ZNF618: variants seen among roughly 807,000 people sequenced by gnomAD.
The protein encoded by ZNF618 is neural precursor cell expressed, developmentally down-regulated 10.
ZNF618 carries 34 observed loss-of-function variants against 103.0 expected under a neutral mutation model. The observed-to-expected ratio is 0.33, with a 90% CI of 0.25 to 0.44. The LOEUF (loss-of-function observed/expected upper bound fraction) is 0.44. ZNF618 is among the 20% of genes least tolerant of loss of function. The pLI is 1.00. For missense variants in ZNF618, 1,059 were observed against 1,295.4 expected (o/e 0.82, Z 2.80); for synonymous variants, 551 against 542.2 (o/e 1.02, Z -0.23).
In ZNF618 at chr9:114,049,171, G is replaced by A. The variant is rs372758808; in HGVS notation, c.1869G>A (p.Thr623=). Residue 623 remains threonine, a synonymous_variant, in exon 15 of 15, where the codon ACG becomes ACA. Coordinates refer to ENST00000374126, the MANE Select transcript of ZNF618 (RefSeq NM_001318042.2). ...ACGTGACGGATTGCCGGGTGAGCAC[G>A]TCCGCCTTCTCCAAGGCCGGCATGT... ...TVYVTDCRVS[T]SAFSKAGMCL... 1.6e-5 allele frequency: 26 copies of A among 1,613,826 alleles called. No homozygotes were observed. In the African/African-American group the frequency reaches 2.0e-4, roughly 12 times the overall value.
At chr9:113,920,602 A>G (rs989657325) in intron 1 of ZNF618, among the ~76,000 whole-genome samples, 3 of 151,972 alleles carry the variant, frequency 2.0e-5, no homozygotes, top group African/African-American at 4.8e-5. Flanking sequence ...GGGTTTCACC[A>G]TGTTGGCCAG....
At chr9:114,028,485 G>C in intron 10 of ZNF618, 1 of 570,416 alleles carries the variant, frequency 1.8e-6, no homozygotes, top group East Asian at 3.0e-5. Flanking sequence ...GGCTGGTCAA[G>C]GGTTATGGGT....
At chr9:113,954,912 C>T (rs995925230) in intron 1 of ZNF618, among the ~76,000 whole-genome samples, 1 of 152,162 alleles carries the variant, frequency 6.6e-6, no homozygotes, top group Non-Finnish European at 1.5e-5. Context: ...GGTCCACTCC[C>T]AGTGGGCAGC....
At chr9:113,944,618 T>C (rs1834844117) in intron 1 of ZNF618, among the ~76,000 whole-genome samples, 1 of 152,196 alleles carries the variant, frequency 6.6e-6, no homozygotes, top group Admixed American at 6.5e-5. Context: ...AGTTATCTAA[T>C]AGAAATGTCA....
intron 9 of ZNF618, among the ~76,000 whole-genome samples, chr9:114,010,273 C>T (rs561276228): frequency 3.7e-4 from 53 of 143,954 alleles, no homozygotes; most frequent in Middle Eastern, 3.6e-3. Flanking sequence ...TGCACTCCAG[C>T]CTGGGTGACA....
At chr9:113,937,463 T>C (rs1032829860) in intron 1 of ZNF618, among the ~76,000 whole-genome samples, 1 of 152,250 alleles carries the variant, frequency 6.6e-6, no homozygotes, top group Non-Finnish European at 1.5e-5. Context: ...TATTTCACTG[T>C]ATATTCCTAT....
chr9:114,033,874 G>A (rs752287460), intron 12 of ZNF618, among the ~76,000 whole-genome samples: 6 of 152,194 alleles, frequency 3.9e-5, no homozygotes, highest in Admixed American at 6.5e-5. Context: ...GACAGGTGAC[G>A]AACACATCAC....
At chr9:114,012,938 G>A (rs1489010935) in intron 9 of ZNF618, among the ~76,000 whole-genome samples, 3 of 151,410 alleles carry the variant, frequency 2.0e-5, no homozygotes, top group African/African-American at 4.9e-5. Context: ...AGATAGATTC[G>A]ATATAAAGAG....
At chr9:114,008,201 G>T in intron 7 of ZNF618, 143 bp from the exon 8 acceptor site, 3 of 1,119,088 alleles carry the variant, frequency 2.7e-6, no homozygotes, top group Non-Finnish European at 3.8e-6. Flanking sequence ...TTCCACAGTG[G>T]CCACGGCAGC....
At chr9:113,895,171 A>G (rs1049609696) in intron 1 of ZNF618, among the ~76,000 whole-genome samples, 8 of 152,112 alleles carry the variant, frequency 5.3e-5, no homozygotes, top group Non-Finnish European at 7.4e-5. Context: ...GTGATACGAT[A>G]GAGGAGTGAT....
chr9:113,968,479 C>A (rs1837638518), intron 1 of ZNF618, among the ~76,000 whole-genome samples: 1 of 152,116 alleles, frequency 6.6e-6, no homozygotes, highest in African/African-American at 2.4e-5. Context: ...GCATTGAGGT[C>A]CCCCTGAGCA....
At position 114,016,576 on chromosome 9, in the gene ZNF618, A is replaced by G. The variant is rs1842663328; in HGVS notation, c.755-119A>G. On this transcript the variant is annotated intron_variant, in intron 9 of 14. Coordinates refer to ENST00000374126, the MANE Select transcript of ZNF618 (RefSeq NM_001318042.2). ...GGGGTCTTCTAACTCCAGAGTCAGA[A>G]TTGATTCTAGTTGATGGTCCCAGAA... 20 of 729,012 alleles carry G rather than the reference A, an allele frequency of 2.7e-5. No individual in the cohort carries two copies. The South Asian group carries it at 3.1e-4, about 11-fold the overall frequency. The allele number at this position is 729,012 out of a possible 1,614,324, so 45.2% of individuals were successfully genotyped here. A position where few individuals can be genotyped will look rare whatever the true frequency, so the allele number is the denominator to read the frequency against.
intron 2 of ZNF618, among the ~76,000 whole-genome samples, chr9:113,986,450 G>A (rs141645107): frequency 2.6e-5 from 4 of 152,206 alleles, no homozygotes; most frequent in Non-Finnish European, 5.9e-5. Context: ...CAACAGAAAT[G>A]TATTTTCTCA....
intron 1 of ZNF618, among the ~76,000 whole-genome samples, chr9:113,964,124 C>T (rs1220385159): frequency 6.6e-6 from 1 of 152,138 alleles, no homozygotes; most frequent in Non-Finnish European, 1.5e-5. Context: ...GCTGAGGCGC[C>T]ATCTTGGAAA....
chr9:113,892,377 T>A (rs1016561265), intron 1 of ZNF618, among the ~76,000 whole-genome samples: 1 of 152,162 alleles, frequency 6.6e-6, no homozygotes, highest in African/African-American at 2.4e-5. Flanking sequence ...AAGGAAAAAG[T>A]CTGTACATGT....
chr9:113,877,451 A>G lies in ZNF618; in HGVS notation c.33+1038A>G, dbSNP rs141855994. ...ATATGGCAATATTTAAAGTTTTTCT[A>G]TTTCCACGAACGAAGGATTTAAAAG... On this transcript the variant is annotated intron_variant, in intron 1 of 14. Transcript: ENST00000374126. Among the ~76,000 whole-genome samples, 184 of 152,228 alleles carry G rather than the reference A, an allele frequency of 1.2e-3. 2 individuals are homozygous for G. The East Asian group carries it at 0.024, about 20-fold the overall frequency.
rs530566255 is a variant in ZNF618 at position 113,985,820 on chromosome 9, A to G, written c.78-2501A>G. On this transcript the variant is annotated intron_variant, in intron 2 of 14. Coordinates refer to ENST00000374126, the MANE Select transcript of ZNF618 (RefSeq NM_001318042.2). The stretch of plus-strand genomic sequence containing the variant: ...CACCTCTCAGTGCCACAGTTCCTAG[A>G]CTGTAAAGTGGAGCTAATACCAAGA... Among the ~76,000 whole-genome samples, 22 of 152,300 alleles carry G rather than the reference A, an allele frequency of 1.4e-4. No individual in the cohort carries two copies. The East Asian group carries it at 3.7e-3, about 25-fold the overall frequency.
At chr9:113,903,346 C>T (rs1034643819) in intron 1 of ZNF618, among the ~76,000 whole-genome samples, 1 of 152,122 alleles carries the variant, frequency 6.6e-6, no homozygotes, top group Non-Finnish European at 1.5e-5. Context: ...AGTATATCAC[C>T]CTAGGTCTTT....
intron 1 of ZNF618, among the ~76,000 whole-genome samples, chr9:113,901,776 C>G (rs1015057132): frequency 2.6e-5 from 4 of 152,148 alleles, no homozygotes; most frequent in African/African-American, 9.7e-5. Flanking sequence ...TGTTCTCTCT[C>G]CTGCTGCCTC....
Sources: gnomAD v4.1 joint callset for allele counts (sites outside exome capture counted in the v4.1 genomes callset) on GRCh38, gnomAD v4.1.1 for gene constraint, MANE v1.5 for transcripts, NCBI Gene and HGNC (gene_info 2026-07-23, HGNC 2026-07-21) for gene names.